FOXD3: variants seen among roughly 807,000 people sequenced by gnomAD.
FOXD3 encodes forkhead box protein D3.
A neutral mutation model predicts 3.6 loss-of-function variants in FOXD3; 3 were observed. The observed-to-expected ratio is 0.84, with a 90% CI of 0.38 to 2.18. The LOEUF is 2.18. Among genes scored for constraint, FOXD3 ranks in the 30% most tolerant of loss-of-function variants. FOXD3 has a pLI of 0.06. For synonymous variants in FOXD3, 391 were observed against 360.9 expected (o/e 1.08, Z -0.94); for missense variants, 686 against 731.6 (o/e 0.94, Z 0.72).
Position 63,323,853 on chromosome 1 carries a change from C to T in FOXD3, c.795C>T (p.Ala265=). 1 of 1,444,672 alleles carries T rather than the reference C, an allele frequency of 6.9e-7. No individual in the cohort carries two copies. Among genetic ancestry groups the T allele is most frequent in the Non-Finnish European group, 9.2e-7 (1 of 1,087,916 alleles). 89.5% of individuals were successfully genotyped at this position (1,444,672 alleles called of 1,614,324 possible). A position where few individuals can be genotyped will look rare whatever the true frequency, so the allele number is the denominator to read the frequency against. The change falls in exon 1 of 1, where the codon GCC becomes GCT. Residue 265 remains alanine (A), a synonymous_variant. Transcript: ENST00000371116. This position sits in a 1 kb window ranked among gnomAD's most constrained non-coding sequence, Gnocchi z 6.8. ...SFGAYSLAAA[A]GAAGPYGRPY... The stretch of plus-strand genomic sequence containing the variant: ...GCGCTTACAGCCTGGCGGCGGCGGC[C>T]GGCGCCGCGGGACCCTACGGCCGCC...
chr1:63,324,538 G>A lies in FOXD3; in HGVS notation c.*43G>A, dbSNP rs749252292. 6.8e-7 allele frequency: 1 copy of A among 1,461,074 alleles called. No individual in the cohort carries two copies. Among genetic ancestry groups the A allele is most frequent in the East Asian group, 2.5e-5 (1 of 39,912 alleles). The allele number at this position is 1,461,074 out of a possible 1,614,324, so 90.5% of individuals were successfully genotyped here. Reference sequence around the variant, plus strand: ...GGACCCAGGGTCCGGCGGCGGCCTCGAGCAACAAATGCACCTCCAGGCTGC... The same window carrying A: ...GGACCCAGGGTCCGGCGGCGGCCTCAAGCAACAAATGCACCTCCAGGCTGC... On this transcript the variant is annotated 3_prime_UTR_variant, in exon 1 of 1. Transcript: ENST00000371116. The surrounding 1 kb of genome is among the most constrained non-coding windows in gnomAD (Gnocchi z 4.1).
At position 63,323,018 on chromosome 1, in the gene FOXD3, C is replaced by T; in HGVS notation, c.-41C>T. 1 of 1,513,444 alleles carries T rather than the reference C, an allele frequency of 6.6e-7. No individual in the cohort carries two copies. Among genetic ancestry groups the T allele is most frequent in the Non-Finnish European group, 8.8e-7 (1 of 1,135,596 alleles). The allele number at this position is 1,513,444 out of a possible 1,614,324, so 93.8% of individuals were successfully genotyped here. A position where few individuals can be genotyped will look rare whatever the true frequency, so the allele number is the denominator to read the frequency against. ...GCAGCCCCCGAACACCCTCATCGCC[C>T]GCTGCCCCCTCCCCGCCGCCGCTAC... On this transcript the variant is annotated 5_prime_UTR_variant, in exon 1 of 1. Transcript: ENST00000371116. The surrounding 1 kb of genome is among the most constrained non-coding windows in gnomAD (Gnocchi z 6.8).
rs1453373665 is a variant in FOXD3 at position 63,323,607 on chromosome 1, C to G, written c.549C>G (p.Pro183=). The G allele has an allele frequency of 6.2e-7, 1 of 1,614,082 alleles. No homozygotes were observed. The highest frequency in any genetic ancestry group is 8.5e-7 in the Non-Finnish European group (1 of 1,180,008). Residue 183 remains proline (P), a synonymous_variant, in exon 1 of 1, where the codon CCC becomes CCG. Transcript: ENST00000371116. This position sits in a 1 kb window ranked among gnomAD's most constrained non-coding sequence, Gnocchi z 6.8. ...TCCCCTACTACAGGGAGAAGTTCCC[C>G]GCCTGGCAGAACAGCATCCGCCACA... ...NRFPYYREKF[P]AWQNSIRHNL... is the part of the protein sequence containing the mutation.
chr1:63,324,628 T>C lies in FOXD3; in HGVS notation c.*133T>C. ...TCCTGGACTCTGCCTCTCCCCAATT[T>C]CCTTTCCCCTGAGCCCCCAACGCCT... is the stretch of plus-strand genomic sequence containing the variant. On this transcript the variant is annotated 3_prime_UTR_variant, in exon 1 of 1. Coordinates refer to ENST00000371116, the MANE Select transcript of FOXD3 (RefSeq NM_012183.3). The surrounding 1 kb of genome is among the most constrained non-coding windows in gnomAD (Gnocchi z 4.1). 1 of 685,288 alleles carries C rather than the reference T, an allele frequency of 1.5e-6. No homozygotes were observed. The highest frequency in any genetic ancestry group is 2.5e-6 in the Non-Finnish European group (1 of 405,272). The allele number at this position is 685,288 out of a possible 1,614,324, so 42.5% of individuals were successfully genotyped here.
Position 63,322,629 on chromosome 1 carries a change from CCCG to C in FOXD3, c.-428_-426del, listed in dbSNP as rs1647031837. The C allele has an allele frequency of 1.0e-6, 1 of 956,918 alleles. No homozygotes were observed. The highest frequency in any genetic ancestry group is 1.2e-6 in the Non-Finnish European group (1 of 804,038). 59.3% of individuals were successfully genotyped at this position (956,918 alleles called of 1,614,324 possible). ...TCCCTGACACCCAGCCCCCTGCCCC[CCCG>C]CTACTGTCCCTGCCCGCGCCCTCCC... On this transcript the variant is annotated 5_prime_UTR_variant, in exon 1 of 1. Transcript: ENST00000371116.
rs1346386493 is a variant in FOXD3, at chr1:63,324,530, G to A, written c.*35G>A. Reference sequence around the variant, plus strand: ...AATGGCCGGGACCCAGGGTCCGGCGGCGGCCTCGAGCAACAAATGCACCTC... The same window carrying A: ...AATGGCCGGGACCCAGGGTCCGGCGACGGCCTCGAGCAACAAATGCACCTC... On this transcript the variant is annotated 3_prime_UTR_variant, in exon 1 of 1. Transcript: ENST00000371116. This position sits in a 1 kb window ranked among gnomAD's most constrained non-coding sequence, Gnocchi z 4.1. 6.7e-7 allele frequency: 1 copy of A among 1,485,170 alleles called. No individual in the cohort carries two copies. Among genetic ancestry groups the A allele is most frequent in the South Asian group, 1.2e-5 (1 of 81,526 alleles). The allele number at this position is 1,485,170 out of a possible 1,614,324, so 92.0% of individuals were successfully genotyped here.
chr1:63,324,354 C>T lies in FOXD3; in HGVS notation c.1296C>T (p.His432=). 1.9e-6 allele frequency: 3 copies of T among 1,587,766 alleles called. No individual in the cohort carries two copies. The highest frequency in any genetic ancestry group is 2.3e-5 in the East Asian group (1 of 43,764). The change falls in exon 1 of 1, where the codon CAC becomes CAT. Residue 432 remains histidine, a synonymous_variant. Transcript: ENST00000371116. This position sits in a 1 kb window ranked among gnomAD's most constrained non-coding sequence, Gnocchi z 4.1. ...TVQSAALMAT[H]QPLSLSRTTA... ...AGTCGGCAGCGCTCATGGCCACCCA[C>T]CAACCGCTGTCGCTGAGCCGGACGA...
chr1:63,323,294 T>A lies in FOXD3; in HGVS notation c.236T>A (p.Leu79Gln). Residue 79 changes from leucine (L) to glutamine (Q), a missense_variant, in exon 1 of 1, where the codon CTG (leucine) becomes CAG (glutamine). Leu to Gln is a moderately radical substitution (Grantham distance 113, BLOSUM62 -2). This residue lies in a region of FOXD3 where 232 missense variants were observed against 214.0 expected (regional missense o/e 1.08). Transcript: ENST00000371116. This position sits in a 1 kb window ranked among gnomAD's most constrained non-coding sequence, Gnocchi z 6.8. ...CCTCAGCCGCCCCACCAGCAGCCCC[T>A]GACATTGCCCAAGGAGGCGGCCGGA... ...GQPQPPHQQPLTLPKEAAGAG... is the reference protein window; with the variant it reads ...GQPQPPHQQPQTLPKEAAGAG... 6.9e-7 allele frequency: 1 copy of A among 1,448,268 alleles called. No homozygotes were observed. The highest frequency in any genetic ancestry group is 9.1e-7 in the Non-Finnish European group (1 of 1,104,540). The allele number at this position is 1,448,268 out of a possible 1,614,324, so 89.7% of individuals were successfully genotyped here.
Position 63,322,701 on chromosome 1 carries a change from C to T in FOXD3, c.-358C>T. ...CGTCCCGCGCCCGCCTGGACCGCTC[C>T]TGCGCCCCACGCCAGGGCCAGAGGC... On this transcript the variant is annotated 5_prime_UTR_variant, in exon 1 of 1. Transcript: ENST00000371116. 2 of 983,084 alleles carry T rather than the reference C, an allele frequency of 2.0e-6. No homozygotes were observed. The highest frequency in any genetic ancestry group is 9.4e-5 in the South Asian group (2 of 21,250). 60.9% of individuals were successfully genotyped at this position (983,084 alleles called of 1,614,324 possible). A position where few individuals can be genotyped will look rare whatever the true frequency, so the allele number is the denominator to read the frequency against.
At position 63,323,811 on chromosome 1, in the gene FOXD3, CATG is replaced by C. The variant is rs745544695; in HGVS notation, c.757_759del (p.Met253del). 59 of 1,596,108 alleles carry C rather than the reference CATG, an allele frequency of 3.7e-5. No homozygotes were observed. Among genetic ancestry groups the C allele is most frequent in the South Asian group, 1.9e-4 (17 of 90,874 alleles). ...AGCACCTGCGCGAGCAGACGGCGCTCATGATGCAGAGCTTCGGCGCTTACAGCC... is the reference window on the plus strand; with the variant it reads ...AGCACCTGCGCGAGCAGACGGCGCTCATGCAGAGCTTCGGCGCTTACAGCC... On this transcript the variant is annotated inframe_deletion, in exon 1 of 1. Coordinates refer to ENST00000371116, the MANE Select transcript of FOXD3 (RefSeq NM_012183.3). This position sits in a 1 kb window ranked among gnomAD's most constrained non-coding sequence, Gnocchi z 6.8.
chr1:63,324,694 G>C lies in FOXD3; in HGVS notation c.*199G>C. ...CATCCCCTCGCGCACACCTAAGCTG[G>C]TCGAGCAAACTCACCGCGCGCCCGC... On this transcript the variant is annotated 3_prime_UTR_variant, in exon 1 of 1. Transcript: ENST00000371116. This position sits in a 1 kb window ranked among gnomAD's most constrained non-coding sequence, Gnocchi z 4.1. The C allele has an allele frequency of 3.5e-6, 2 of 575,284 alleles. No individual in the cohort carries two copies. Among genetic ancestry groups the C allele is most frequent in the Non-Finnish European group, 6.2e-6 (2 of 322,320 alleles). The allele number at this position is 575,284 out of a possible 1,614,324, so 35.6% of individuals were successfully genotyped here.
At position 63,324,378 on chromosome 1, in the gene FOXD3, G is replaced by C. The variant is rs1437383137; in HGVS notation, c.1320G>C (p.Thr440=). The C allele has an allele frequency of 6.3e-7, 1 of 1,588,992 alleles. No individual in the cohort carries two copies. The change falls in exon 1 of 1, where the codon ACG becomes ACC. Residue 440 remains threonine (T), a synonymous_variant. Coordinates refer to ENST00000371116, the MANE Select transcript of FOXD3 (RefSeq NM_012183.3). This position sits in a 1 kb window ranked among gnomAD's most constrained non-coding sequence, Gnocchi z 4.1. ...ACCAACCGCTGTCGCTGAGCCGGAC[G>C]ACTGCCACCATCGCGCCCATTCTTA... ...ATHQPLSLSR[T]TATIAPILSV...
Position 63,323,199 on chromosome 1 carries a change from C to A in FOXD3, c.141C>A (p.Pro47=). 5.2e-6 allele frequency: 8 copies of A among 1,542,496 alleles called. No homozygotes were observed. The highest frequency in any genetic ancestry group is 7.0e-6 in the Non-Finnish European group (8 of 1,146,208). ...EKDSDAGCDS[P]AGPPELRLDE... ...ACAGCGACGCAGGTTGCGATAGCCC[C>A]GCGGGGCCGCCGGAGCTGCGCCTGG... Residue 47 remains proline (P), a synonymous_variant, in exon 1 of 1, where the codon CCC becomes CCA. Transcript: ENST00000371116. This position sits in a 1 kb window ranked among gnomAD's most constrained non-coding sequence, Gnocchi z 6.8.
At position 63,322,682 on chromosome 1, in the gene FOXD3, G is replaced by T. The variant is rs2100337772; in HGVS notation, c.-377G>T. 1.0e-6 allele frequency: 1 copy of T among 977,800 alleles called. No homozygotes were observed. Among genetic ancestry groups the T allele is most frequent in the Non-Finnish European group, 1.2e-6 (1 of 823,002 alleles). 60.6% of individuals were successfully genotyped at this position (977,800 alleles called of 1,614,324 possible). ...CGAGCTGCTCGGCGCCCGGCGTCCC[G>T]CGCCCGCCTGGACCGCTCCTGCGCC... On this transcript the variant is annotated 5_prime_UTR_variant, in exon 1 of 1. Coordinates refer to ENST00000371116, the MANE Select transcript of FOXD3 (RefSeq NM_012183.3).
In FOXD3 at chr1:63,325,094, T is replaced by C. The variant is rs1647065948; in HGVS notation, c.*599T>C. ...TTCTAAATGTTATTCCATCGTGTTG[T>C]ACACAACTTTGTAAATAAATTTTTA... On this transcript the variant is annotated 3_prime_UTR_variant, in exon 1 of 1. Coordinates refer to ENST00000371116, the MANE Select transcript of FOXD3 (RefSeq NM_012183.3). 1.2e-5 allele frequency: 2 copies of C among 166,728 alleles called. 1 individual carries two copies. The highest frequency in any genetic ancestry group is 4.1e-4 in the South Asian group (2 of 4,836). 10.3% of individuals were successfully genotyped at this position (166,728 alleles called of 1,614,324 possible). A position where few individuals can be genotyped will look rare whatever the true frequency, so the allele number is the denominator to read the frequency against.
In FOXD3 at chr1:63,324,074, C is replaced by A; in HGVS notation, c.1016C>A (p.Pro339Gln). ...KAAAFGSQLG[P>Q]GLQLQLNSLG... ...GCCGCCTTCGGCTCACAGCTCGGCC[C>A]GGGCCTGCAGCTGCAGCTCAATAGC... Residue 339 changes from proline to glutamine, a missense_variant, in exon 1 of 1, where the codon CCG becomes CAG. Physicochemically the swap from Pro to Gln is moderately conservative, Grantham distance 76. Coordinates refer to ENST00000371116, the MANE Select transcript of FOXD3 (RefSeq NM_012183.3). This position sits in a 1 kb window ranked among gnomAD's most constrained non-coding sequence, Gnocchi z 4.1. 7.1e-7 allele frequency: 1 copy of A among 1,417,910 alleles called. No individual in the cohort carries two copies. The highest frequency in any genetic ancestry group is 9.1e-7 in the Non-Finnish European group (1 of 1,097,982). 87.8% of individuals were successfully genotyped at this position (1,417,910 alleles called of 1,614,324 possible).
rs758541695 is a variant in FOXD3 at position 63,323,196 on chromosome 1, C to T, written c.138C>T (p.Ser46=). Residue 46 remains serine, a synonymous_variant, in exon 1 of 1, where the codon AGC becomes AGT. Coordinates refer to ENST00000371116, the MANE Select transcript of FOXD3 (RefSeq NM_012183.3). The surrounding 1 kb of genome is among the most constrained non-coding windows in gnomAD (Gnocchi z 6.8). ...EEKDSDAGCD[S]PAGPPELRLD... ...AGGACAGCGACGCAGGTTGCGATAGCCCCGCGGGGCCGCCGGAGCTGCGCC... is the reference window on the plus strand; with the variant it reads ...AGGACAGCGACGCAGGTTGCGATAGTCCCGCGGGGCCGCCGGAGCTGCGCC... The T allele has an allele frequency of 3.2e-6, 5 of 1,544,450 alleles. No homozygotes were observed. Among genetic ancestry groups the T allele is most frequent in the Non-Finnish European group, 4.4e-6 (5 of 1,147,180 alleles).
chr1:63,324,324 C>G lies in FOXD3; in HGVS notation c.1266C>G (p.Thr422=). 1 of 1,578,380 alleles carries G rather than the reference C, an allele frequency of 6.3e-7. No homozygotes were observed. The highest frequency in any genetic ancestry group is 8.5e-7 in the Non-Finnish European group (1 of 1,171,320). The change falls in exon 1 of 1, where the codon ACC becomes ACG. Residue 422 remains threonine, a synonymous_variant. Coordinates refer to ENST00000371116, the MANE Select transcript of FOXD3 (RefSeq NM_012183.3). The surrounding 1 kb of genome is among the most constrained non-coding windows in gnomAD (Gnocchi z 4.1). ...TAQSFLRPPG[T]VQSAALMATH... The stretch of plus-strand genomic sequence containing the variant: ...AGTCGTTTCTGCGGCCACCCGGGAC[C>G]GTGCAGTCGGCAGCGCTCATGGCCA...
rs199958231 is a variant in FOXD3 at position 63,323,219 on chromosome 1, G to A, written c.161G>A (p.Arg54His). The change falls in exon 1 of 1, where the codon CGC becomes CAC. Residue 54 changes from arginine to histidine, a missense_variant. Physicochemically the swap from Arg to His is conservative, Grantham distance 29. Around this residue, in one of 3 missense-constraint regions of FOXD3, gnomAD observed 232 missense variants for 214.0 expected, o/e 1.08. Coordinates refer to ENST00000371116, the MANE Select transcript of FOXD3 (RefSeq NM_012183.3). The surrounding 1 kb of genome is among the most constrained non-coding windows in gnomAD (Gnocchi z 6.8). ...CDSPAGPPELRLDEADEVPPA... is the reference protein window; with the variant it reads ...CDSPAGPPELHLDEADEVPPA... ...AGCCCCGCGGGGCCGCCGGAGCTGC[G>A]CCTGGACGAGGCGGACGAGGTGCCC... 6,032 of 1,532,520 alleles carry A rather than the reference G, an allele frequency of 3.9e-3. 15 individuals are homozygous for A. The highest frequency in any genetic ancestry group is 4.6e-3 in the Non-Finnish European group (5,302 of 1,140,618). The allele number at this position is 1,532,520 out of a possible 1,614,324, so 94.9% of individuals were successfully genotyped here. A position where few individuals can be genotyped will look rare whatever the true frequency, so the allele number is the denominator to read the frequency against.
Sources: gnomAD v4.1 joint callset for allele counts on GRCh38, gnomAD v4.1.1 for gene constraint, gnomAD v4.1.1 regional missense constraint, Gnocchi (gnomAD v3.1) non-coding constraint, MANE v1.5 for transcripts, NCBI Gene and HGNC (gene_info 2026-07-23, HGNC 2026-07-21) for gene names.